The following GPR35 variants were observed in gnomAD, a reference collection of about 807,000 sequenced individuals.
GPR35 encodes KYNA receptor.
For synonymous variants in GPR35, 207 were observed against 198.4 expected (o/e 1.04, Z -0.36); for missense variants, 372 against 422.5 (o/e 0.88, Z 1.05).
intron 2 of GPR35, chr2:240,606,668 G>T (rs73110008): frequency 2.0e-5 from 3 of 152,274 alleles, no homozygotes; most frequent in African/African-American, 7.2e-5. Context: ...AGTGGCAGGG[G>T]GGGTATTCCT....
upstream of GPR35, among the ~76,000 whole-genome samples, chr2:240,620,898 C>T (rs1371665836): frequency 1.3e-5 from 2 of 152,242 alleles, no homozygotes; most frequent in Admixed American, 1.3e-4. Flanking sequence ...AAAAGCAGGG[C>T]ATCTAGGACA....
Position 240,630,006 on chromosome 2 carries a change from G to A in GPR35, c.54G>A (p.Ala18=), listed in dbSNP as rs757033160. Residue 18 remains alanine (A), a synonymous_variant, in exon 2 of 2, where the codon GCG becomes GCA. Transcript: ENST00000407714. ...CGSSDLTWPP[A]IKLGFYAYLG... Reference sequence around the variant, plus strand: ...CCAGCGACCTCACCTGGCCCCCAGCGATCAAGCTGGGCTTCTACGCCTACT... The same window carrying A: ...CCAGCGACCTCACCTGGCCCCCAGCAATCAAGCTGGGCTTCTACGCCTACT... The A allele has an allele frequency of 3.0e-5, 48 of 1,611,748 alleles. No individual in the cohort carries two copies. The African/African-American group carries it at 4.4e-4, about 15-fold the overall frequency.
upstream of GPR35, among the ~76,000 whole-genome samples, chr2:240,623,455 G>A (rs113627857): frequency 6.6e-4 from 55 of 82,982 alleles, 2 homozygotes; most frequent in Middle Eastern, 8.1e-3. Flanking sequence ...CAAACAGGTC[G>A]TGAGGGTGCA....
At position 240,633,059 on chromosome 2, in the gene GPR35, T is replaced by G. The variant is rs897346520; in HGVS notation, c.*2177T>G. Among the ~76,000 whole-genome samples, 3 of 152,340 alleles carry G rather than the reference T, an allele frequency of 2.0e-5. No homozygotes were observed. The highest frequency in any genetic ancestry group is 1.3e-4 in the Admixed American group (2 of 15,302). Reference sequence around the variant, plus strand: ...CTTCCTACTGTCTTATGAAGAAGGTTCCTTGCTTCCCCTTCACCTTCTGCC... The same window carrying G: ...CTTCCTACTGTCTTATGAAGAAGGTGCCTTGCTTCCCCTTCACCTTCTGCC... On this transcript the variant is annotated 3_prime_UTR_variant, in exon 2 of 2. Coordinates refer to ENST00000407714, the MANE Select transcript of GPR35 (RefSeq NM_005301.5).
At chr2:240,623,396 TCGTGAGGGCGCAAACAGATCGTGAGGGC>T (rs1559437614), upstream of GPR35, among the ~76,000 whole-genome samples, 283 of 82,440 alleles carry the variant, frequency 3.4e-3, 13 homozygotes, top group East Asian at 0.011. Flanking sequence ...CGCAAACAGG[TCGTGAGGGCGCAAACAGATCGTGAGGGC>T]GCAAACAGGT....
Position 240,630,360 on chromosome 2 carries a change from G to C in GPR35, c.408G>C (p.Val136=). ...GGTCCCCCAGGCAGGCTGCGGCCGTGTGCGCGGTCCTCTGGGTGCTGGTCA... is the reference window on the plus strand; with the variant it reads ...GGTCCCCCAGGCAGGCTGCGGCCGTCTGCGCGGTCCTCTGGGTGCTGGTCA... ...GLRSPRQAAA[V]CAVLWVLVIG... The change falls in exon 2 of 2, where the codon GTG becomes GTC. Residue 136 remains valine, a synonymous_variant. Transcript: ENST00000407714. The C allele has an allele frequency of 6.2e-7, 1 of 1,606,928 alleles. No individual in the cohort carries two copies. The highest frequency in any genetic ancestry group is 8.5e-7 in the Non-Finnish European group (1 of 1,179,194).
rs2043450542 is a variant in GPR35 at position 240,631,633 on chromosome 2, C to CT, written c.*752dup. On this transcript the variant is annotated 3_prime_UTR_variant, in exon 2 of 2. Coordinates refer to ENST00000407714, the MANE Select transcript of GPR35 (RefSeq NM_005301.5). ...GTCTGTCAAGGAACCCAGCCCTCTT[C>CT]TCCTTCCTTCAGGGAAAGGCTGGAA... is the stretch of plus-strand genomic sequence containing the variant. Among the ~76,000 whole-genome samples the CT allele has an allele frequency of 6.6e-6, 1 of 152,156 alleles. No homozygotes were observed. The highest frequency in any genetic ancestry group is 2.1e-4 in the South Asian group (1 of 4,832).
At chr2:240,612,414 G>A (rs3997221) in intron 2 of GPR35, among the ~76,000 whole-genome samples, 71 of 122,840 alleles carry the variant, frequency 5.8e-4, no homozygotes, top group South Asian at 9.3e-4. Context: ...GCGACAGAGC[G>A]AGACTCTGTC....
chr2:240,610,237 C>T (rs976346996), intron 2 of GPR35, among the ~76,000 whole-genome samples: 2 of 152,126 alleles, frequency 1.3e-5, no homozygotes, highest in African/African-American at 2.4e-5. Flanking sequence ...GGATTACAGG[C>T]GTGAGCCAAC....
upstream of GPR35, among the ~76,000 whole-genome samples, chr2:240,623,707 G>C (rs1469447514): frequency 7.2e-5 from 11 of 152,310 alleles, no homozygotes; most frequent in East Asian, 1.2e-3. Flanking sequence ...AGAGAGGTAG[G>C]GGGTGGGCTG....
intron 4 of GPR35, among the ~76,000 whole-genome samples, chr2:240,618,538 T>C (rs1207116920): frequency 6.6e-6 from 1 of 152,244 alleles, no homozygotes; most frequent in African/African-American, 2.4e-5. Flanking sequence ...TCAGTTAGTT[T>C]CATTTTGCTT....
At chr2:240,623,522 A>AAACAGGTCGTGAG (rs2043332736), upstream of GPR35, among the ~76,000 whole-genome samples, 1 of 150,554 alleles carries the variant, frequency 6.6e-6, no homozygotes, top group African/African-American at 2.4e-5. Context: ...GTGAGGGTGC[A>AAACAGGTCGTGAG]GCTTTGGGGA....
intron 4 of GPR35, among the ~76,000 whole-genome samples, chr2:240,618,346 G>T: frequency 6.6e-6 from 1 of 152,226 alleles, no homozygotes; most frequent in East Asian, 1.9e-4. Context: ...TCCTTGGGTT[G>T]TGTCGACGTA....
Position 240,630,783 on chromosome 2 carries a change from C to T in GPR35, c.831C>T (p.Tyr277=), listed in dbSNP as rs2043437218. The T allele has an allele frequency of 6.2e-7, 1 of 1,613,566 alleles. No homozygotes were observed. Among genetic ancestry groups the T allele is most frequent in the Non-Finnish European group, 8.5e-7 (1 of 1,180,040 alleles). The change falls in exon 2 of 2, where the codon TAC becomes TAT. Residue 277 remains tyrosine, a synonymous_variant. Coordinates refer to ENST00000407714, the MANE Select transcript of GPR35 (RefSeq NM_005301.5). ...GCTGCCTGGACGCCATCTGCTACTACTACATGGCCAAGGAGTTCCAGGAGG... is the reference window on the plus strand; with the variant it reads ...GCTGCCTGGACGCCATCTGCTACTATTACATGGCCAAGGAGTTCCAGGAGG... ...ANCCLDAICY[Y]YMAKEFQEAS...
chr2:240,627,445 A>C (rs2043391109), intron 1 of GPR35: 1 of 152,090 alleles, frequency 6.6e-6, no homozygotes. Context: ...TAAACAGGAA[A>C]ATTTAAATGT....
chr2:240,629,760 G>A (rs561151529), intron 1 of GPR35, 189 bp from the exon 2 acceptor site: 9 of 584,844 alleles, frequency 1.5e-5, no homozygotes, highest in South Asian at 2.1e-5. Flanking sequence ...CTGTCCAGGG[G>A]TTAGACCTCA....
chr2:240,627,150 C>T (rs1392881295), intron 1 of GPR35, among the ~76,000 whole-genome samples: 1 of 152,172 alleles, frequency 6.6e-6, no homozygotes, highest in African/African-American at 2.4e-5. Flanking sequence ...GAAGACAGGC[C>T]TGAGGAGCTG....
rs947315772 is a variant in GPR35, at chr2:240,613,201, A to C, written c.-576-3187A>C. Reference sequence around the variant, plus strand: ...GAAGTGTGGGGACAGCAGGCGCTGCAGGCCACCCAGAAGGAGGAGGAGAGG... The same window carrying C: ...GAAGTGTGGGGACAGCAGGCGCTGCCGGCCACCCAGAAGGAGGAGGAGAGG... On this transcript the variant is annotated intron_variant, in intron 2 of 5. Coordinates refer to the GPR35 transcript ENST00000319838. Among the ~76,000 whole-genome samples, 10 of 152,174 alleles carry C rather than the reference A, an allele frequency of 6.6e-5. 1 individual carries two copies. The highest frequency in any genetic ancestry group is 6.5e-4 in the Admixed American group (10 of 15,278).
At chr2:240,609,834 G>A (rs2043166166) in intron 2 of GPR35, among the ~76,000 whole-genome samples, 1 of 152,122 alleles carries the variant, frequency 6.6e-6, no homozygotes, top group Non-Finnish European at 1.5e-5. Context: ...TCACAATCAT[G>A]AATTTGTCTG....
Sources: gnomAD v4.1 joint callset for allele counts (sites outside exome capture counted in the v4.1 genomes callset) on GRCh38, gnomAD v4.1.1 for gene constraint, MANE v1.5 for transcripts, NCBI Gene and HGNC (gene_info 2026-07-23, HGNC 2026-07-21) for gene names.